The following SSC5D variants were observed in gnomAD, a reference collection of about 807,000 sequenced individuals.
SSC5D encodes scavenger receptor cysteine rich family member with 5 domains.
Under a neutral mutation model 104.6 loss-of-function variants are expected in SSC5D, and 106 were observed. That is an observed-to-expected ratio of 1.01 (90% confidence interval 0.87 to 1.19). The LOEUF is 1.19. Among genes scored for constraint, SSC5D ranks in the 50% most tolerant of loss-of-function variants. The pLI is 0.00. For missense variants in SSC5D, 1,993 were observed against 2,153.8 expected, an observed-to-expected ratio of 0.93 and a Z score of 1.48; for synonymous variants, 860 against 883.5, an observed-to-expected ratio of 0.97 and a Z score of 0.47.
intron 12 of SSC5D, among the ~76,000 whole-genome samples, chr19:55,502,645 T>A (rs1285040210): frequency 6.6e-6 from 1 of 152,130 alleles, no homozygotes; most frequent in Admixed American, 6.6e-5. Flanking sequence ...CACTCCATTT[T>A]TCATGGTAAA....
chr19:55,488,595 G>A lies in SSC5D; in HGVS notation c.6G>A (p.Arg2=), dbSNP rs565102411. 3.9e-6 allele frequency: 6 copies of A among 1,550,232 alleles called. No individual in the cohort carries two copies. The African/African-American group carries it at 5.5e-5, about 14-fold the overall frequency. The change falls in exon 1 of 14, where the codon AGG becomes AGA. Residue 2 remains arginine (R), a synonymous_variant. Transcript: ENST00000389623. ...CCCCTGCCCTGGCTGCAACCATGAG[G>A]GTCTTGGCCTGCCTCCTTGGTGAGT... M[R]VLACLLAALV...
At position 55,518,214 on chromosome 19, in the gene SSC5D, C is replaced by T. The variant is rs868726625; in HGVS notation, c.3938C>T (p.Pro1313Leu). The change falls in exon 14 of 14, where the codon CCC (proline) becomes CTC (leucine). Residue 1313 changes from proline to leucine, a missense_variant. By Grantham distance (98) the Pro-to-Leu change is moderately conservative. Around this residue, in one of 6 missense-constraint regions of SSC5D, gnomAD observed 349 missense variants for 397.6 expected, o/e 0.88. Transcript: ENST00000389623. ...MTPDPTTTPY[P>L]TTTPDPTTTP... ...CCTGACCCCACCACGACCCCTTACC[C>T]CACCACTACTCCTGATCCCACCACG... is the stretch of plus-strand genomic sequence containing the variant. 6.8e-7 allele frequency: 1 copy of T among 1,473,166 alleles called. No individual in the cohort carries two copies. Among genetic ancestry groups the T allele is most frequent in the Non-Finnish European group, 9.1e-7 (1 of 1,103,184 alleles). The allele number at this position is 1,473,166 out of a possible 1,614,324, so 91.3% of individuals were successfully genotyped here.
rs190332197 is a variant in SSC5D, at chr19:55,492,123, G to A, written c.895+1043G>A. 3.3e-5 allele frequency: 5 copies of A among 152,466 alleles called. No individual in the cohort carries two copies. The East Asian group carries it at 7.7e-4, about 24-fold the overall frequency. The allele number at this position is 152,466 out of a possible 1,614,324, so 9.4% of individuals were successfully genotyped here. On this transcript the variant is annotated intron_variant, in intron 6 of 13. Transcript: ENST00000389623. ...CTCTGAGCCTCCCGCAGCCCGGACG[G>A]GGTGGATCCTCATCCCTCTCTTCAC...
intron 4 of SSC5D, 111 bp downstream of exon 4, chr19:55,490,106 A>G (rs7257820): frequency 1.0e-4 from 54 of 527,162 alleles, no homozygotes; most frequent in East Asian, 4.0e-4. Context: ...TCCTGCCCCC[A>G]CCGAGGGGAG....
At position 55,494,595 on chromosome 19, in the gene SSC5D, C is replaced by A. The variant is rs1298611109; in HGVS notation, c.1214-15C>A. ...GGTGTGTGTGGGTGGCAATCACTTA[C>A]CCCCTGCTCCACAGGCATGCCCCTG... On this transcript the variant is annotated splice_polypyrimidine_tract_variant and intron_variant, in intron 7 of 13. Transcript: ENST00000389623. 15 of 1,506,622 alleles carry A rather than the reference C, an allele frequency of 1.0e-5. No individual in the cohort carries two copies. The African/African-American group carries it at 1.4e-4, about 14-fold the overall frequency. The allele number at this position is 1,506,622 out of a possible 1,614,324, so 93.3% of individuals were successfully genotyped here. A position where few individuals can be genotyped will look rare whatever the true frequency, so the allele number is the denominator to read the frequency against.
intron 8 of SSC5D, among the ~76,000 whole-genome samples, chr19:55,496,844 G>T (rs192565436): frequency 6.6e-6 from 1 of 150,802 alleles, no homozygotes; most frequent in South Asian, 2.1e-4. Flanking sequence ...TCCGCCTCCC[G>T]GTTCAAGCGA....
intron 13 of SSC5D, among the ~76,000 whole-genome samples, chr19:55,514,222 G>A (rs12975476): frequency 0.24 from 36,832 of 151,328 alleles, 4,605 homozygotes; most frequent in East Asian, 0.34. Flanking sequence ...TGGCTAACAC[G>A]GTGAAACCCT....
At position 55,503,172 on chromosome 19, in the gene SSC5D, C is replaced by T. The variant is rs1987554127; in HGVS notation, c.2785+1971C>T. The stretch of plus-strand genomic sequence containing the variant: ...CCCAGGCTGGTCTCAAACTCTTGGG[C>T]TCAAGTCATCGGCTTGCTGCGGCCT... On this transcript the variant is annotated intron_variant, in intron 12 of 13. Transcript: ENST00000389623. This position sits in a 1 kb window ranked among gnomAD's most constrained non-coding sequence, Gnocchi z 4.0. 6.6e-6 allele frequency among the ~76,000 whole-genome samples: 1 copy of T among 152,098 alleles called. No individual in the cohort carries two copies. Among genetic ancestry groups the T allele is most frequent in the South Asian group, 2.1e-4 (1 of 4,820 alleles).
Position 55,494,467 on chromosome 19 carries a change from CTG to C in SSC5D, c.1214-139_1214-138del, listed in dbSNP as rs551949883. ...AGGTCAGGGATGTGGAAAGCGTGGG[CTG>C]TGTCTAGGGAGGAGGTTCGGCAGGA... On this transcript the variant is annotated intron_variant, in intron 7 of 13. Transcript: ENST00000389623. The C allele has an allele frequency of 1.4e-3, 1,270 of 901,998 alleles. 12 individuals are homozygous for C. In the African/African-American group the frequency reaches 0.019, roughly 14 times the overall value. The allele number at this position is 901,998 out of a possible 1,614,324, so 55.9% of individuals were successfully genotyped here.
intron 12 of SSC5D, among the ~76,000 whole-genome samples, chr19:55,502,657 TTC>T (rs139812721): frequency 1.7e-4 from 26 of 152,214 alleles, no homozygotes; most frequent in African/African-American, 6.3e-4. Context: ...CATGGTAAAT[TTC>T]TCTCTCTCTT....
chr19:55,506,480 T>C (rs1987639059), intron 12 of SSC5D, among the ~76,000 whole-genome samples: 1 of 139,448 alleles, frequency 7.2e-6, no homozygotes, highest in Non-Finnish European at 1.5e-5. Context: ...CTGCCAGCTC[T>C]GCCTCCCGGG....
At chr19:55,510,869 C>G (rs973051941) in intron 12 of SSC5D, among the ~76,000 whole-genome samples, 2 of 152,112 alleles carry the variant, frequency 1.3e-5, no homozygotes, top group African/African-American at 4.8e-5. Context: ...ACCTCTCCTT[C>G]ATGGGTTCAG....
At chr19:55,507,665 CAAA>C (rs61340967) in intron 12 of SSC5D, among the ~76,000 whole-genome samples, 1 of 75,966 alleles carries the variant, frequency 1.3e-5, no homozygotes, top group Non-Finnish European at 2.2e-5. Flanking sequence ...GACTCCGTCT[CAAA>C]AAAAAAAAAA....
At chr19:55,507,448 T>C (rs1454454749) in intron 12 of SSC5D, among the ~76,000 whole-genome samples, 1 of 150,600 alleles carries the variant, frequency 6.6e-6, no homozygotes, top group African/African-American at 2.4e-5. Flanking sequence ...GTGGATCACC[T>C]GAGGTCAGGA....
intron 13 of SSC5D, among the ~76,000 whole-genome samples, chr19:55,513,804 T>C (rs1344500923): frequency 1.3e-5 from 2 of 151,970 alleles, no homozygotes; most frequent in African/African-American, 2.4e-5. Context: ...TAAATTACAA[T>C]AGTACCGAGG....
chr19:55,517,275 C>A lies in SSC5D; in HGVS notation c.2999C>A (p.Thr1000Asn), dbSNP rs1384662220. The change falls in exon 14 of 14, where the codon ACC (threonine) becomes AAC (asparagine). Residue 1000 changes from threonine to asparagine, a missense_variant. Transcript: ENST00000389623. ...CGCCGGCCACCGCGGCCCGCTGCGACCAGGACAGCGCCCCCAACCCCGTCC... is the reference window on the plus strand; with the variant it reads ...CGCCGGCCACCGCGGCCCGCTGCGAACAGGACAGCGCCCCCAACCCCGTCC... ...PERRPPRPAATRTAPPTPSPG... is the reference protein window; with the variant it reads ...PERRPPRPAANRTAPPTPSPG... 4 of 1,546,600 alleles carry A rather than the reference C, an allele frequency of 2.6e-6. No homozygotes were observed. The highest frequency in any genetic ancestry group is 1.7e-6 in the Non-Finnish European group (2 of 1,146,642).
chr19:55,494,540 G>A (rs1294419114), intron 7 of SSC5D, 70 bp from the exon 8 acceptor site: 5 of 1,426,902 alleles, frequency 3.5e-6, no homozygotes, highest in African/African-American at 1.4e-5. Context: ...GGATGACGCA[G>A]GAGGTGGGGG....
rs748224114 is a variant in SSC5D at position 55,495,216 on chromosome 19, CAT to C, written c.1387+450_1387+451del. Among the ~76,000 whole-genome samples, 29 of 8,426 alleles carry C rather than the reference CAT, an allele frequency of 3.4e-3. 1 individual carries two copies. Among genetic ancestry groups the C allele is most frequent in the Non-Finnish European group, 4.0e-3 (16 of 4,018 alleles). 5.5% of individuals were successfully genotyped at this position (8,426 alleles called of 152,430 possible). A position where few individuals can be genotyped will look rare whatever the true frequency, so the allele number is the denominator to read the frequency against. ...ATCAATGGTTCTGCCTGCCTCCTTTCATATATATATATATATATTTTTTTTTT... is the reference window on the plus strand; with the variant it reads ...ATCAATGGTTCTGCCTGCCTCCTTTCATATATATATATATATTTTTTTTTT... On this transcript the variant is annotated intron_variant, in intron 8 of 13. Coordinates refer to ENST00000389623, the MANE Select transcript of SSC5D (RefSeq NM_001144950.2).
rs1029110411 is a variant in SSC5D, at chr19:55,503,453, C to A, written c.2785+2252C>A. 2.6e-5 allele frequency among the ~76,000 whole-genome samples: 4 copies of A among 152,084 alleles called. No homozygotes were observed. The highest frequency in any genetic ancestry group is 6.6e-5 in the Admixed American group (1 of 15,258). ...TCTGAGTCTCCATCTCCCGCGCCTT[C>A]CCTGCAGTCTCCCGCGTGCTCTCTT... On this transcript the variant is annotated intron_variant, in intron 12 of 13. Transcript: ENST00000389623. The surrounding 1 kb of genome is among the most constrained non-coding windows in gnomAD (Gnocchi z 4.0).
Sources: allele counts gnomAD v4.1 joint callset (sites outside exome capture counted in the v4.1 genomes callset), GRCh38; gene constraint gnomAD v4.1.1; regional missense constraint gnomAD v4.1.1; non-coding constraint Gnocchi (gnomAD v3.1); transcripts MANE v1.5; gene names NCBI Gene and HGNC (gene_info 2026-07-23, HGNC 2026-07-21).